CCDC40: variants seen among roughly 807,000 people sequenced by gnomAD.
CCDC40 encodes the protein coiled-coil domain-containing protein 40.
A neutral mutation model predicts 124.5 loss-of-function variants in CCDC40; 104 were observed. The observed-to-expected ratio is 0.84, with a 90% CI of 0.71 to 0.98. CCDC40 has a LOEUF of 0.98. Among genes scored for constraint, CCDC40 ranks in the 50% least tolerant of loss-of-function variants. CCDC40 has a pLI of 0.00. For synonymous variants in CCDC40, 580 were observed against 602.9 expected, an observed-to-expected ratio of 0.96 and a Z score of 0.56; for missense variants, 1,463 against 1,503.9, an observed-to-expected ratio of 0.97 and a Z score of 0.45.
At chr17:80,057,118 A>G (rs1440687547) in intron 7 of CCDC40, among the ~76,000 whole-genome samples, 1 of 151,494 alleles carries the variant, frequency 6.6e-6, no homozygotes, top group African/African-American at 2.4e-5. Flanking sequence ...ACTGCAAGCT[A>G]TATTAATGCA....
intron 10 of CCDC40, among the ~76,000 whole-genome samples, chr17:80,076,750 T>G (rs1044103977): frequency 1.3e-5 from 2 of 151,896 alleles, no homozygotes; most frequent in Non-Finnish European, 2.9e-5. Flanking sequence ...AAGTTTGTTT[T>G]TTTTTTCTTT....
chr17:80,099,242 G>C (rs199667412), intron 19 of CCDC40, among the ~76,000 whole-genome samples: 3 of 151,658 alleles, frequency 2.0e-5, no homozygotes, highest in Admixed American at 1.3e-4. Context: ...AGTGAGCCGA[G>C]ATCGCACCGC....
At position 80,090,231 on chromosome 17, in the gene CCDC40, G is replaced by A. The variant is rs1421198098; in HGVS notation, c.2832+347G>A. The A allele has an allele frequency of 2.1e-5, 19 of 892,428 alleles. 1 individual carries two copies. The highest frequency in any genetic ancestry group is 4.9e-4 in the Middle Eastern group (2 of 4,070). 55.3% of individuals were successfully genotyped at this position (892,428 alleles called of 1,614,324 possible). ...CGTGCACGAAGAACACGGGACGCGCGCAGGCACGTGCACGAACAACACGGG... is the reference window on the plus strand; with the variant it reads ...CGTGCACGAAGAACACGGGACGCGCACAGGCACGTGCACGAACAACACGGG... On this transcript the variant is annotated intron_variant, in intron 17 of 19. Transcript: ENST00000397545.
intron 3 of CCDC40, among the ~76,000 whole-genome samples, chr17:80,041,165 C>T (rs892673820): frequency 4.6e-5 from 7 of 152,140 alleles, no homozygotes; most frequent in African/African-American, 1.4e-4. Flanking sequence ...CCAAAGCCTT[C>T]GAACGCTTCT....
rs750674149 is a variant in CCDC40 at position 80,088,075 on chromosome 17, C to T, written c.2684C>T (p.Thr895Ile). 1.2e-6 allele frequency: 2 copies of T among 1,613,740 alleles called. No individual in the cohort carries two copies. Among genetic ancestry groups the T allele is most frequent in the Admixed American group, 3.3e-5 (2 of 60,002 alleles). ...AACCAGCTCAGCGAGGAGAAGGCGA[C>T]CCTCCTGAATCAACTGGTGGAAGCA... ...KLNQLSEEKA[T>I]LLNQLVEAEH... Residue 895 changes from threonine to isoleucine, a missense_variant, in exon 16 of 20, where the codon ACC becomes ATC. Transcript: ENST00000397545.
chr17:80,088,306 C>T, intron 16 of CCDC40: 1 of 614,690 alleles, frequency 1.6e-6, no homozygotes, highest in Admixed American at 2.3e-5. Context: ...GGCTGGAGTG[C>T]AGCCGTGCGA....
rs2038061433 is a variant in CCDC40 at position 80,066,945 on chromosome 17, G to A, written c.1562+1339G>A. 6.6e-6 allele frequency: 1 copy of A among 152,540 alleles called. No homozygotes were observed. The highest frequency in any genetic ancestry group is 2.4e-5 in the African/African-American group (1 of 41,432). 9.4% of individuals were successfully genotyped at this position (152,540 alleles called of 1,614,324 possible). A position where few individuals can be genotyped will look rare whatever the true frequency, so the allele number is the denominator to read the frequency against. On this transcript the variant is annotated intron_variant, in intron 10 of 19. Transcript: ENST00000397545. This position sits in a 1 kb window ranked among gnomAD's most constrained non-coding sequence, Gnocchi z 4.4. ...TCTCCCTGTGTCACCAGGGTTGCCT[G>A]AACACCAGGACGAGAGGACTTGGCC... is the stretch of plus-strand genomic sequence containing the variant.
At chr17:80,084,534 T>C (rs1030429093) in intron 12 of CCDC40, among the ~76,000 whole-genome samples, 1 of 152,162 alleles carries the variant, frequency 6.6e-6, no homozygotes, top group Non-Finnish European at 1.5e-5. Context: ...ATCTCTCTTT[T>C]CTGTAAAAAG....
intron 3 of CCDC40, chr17:80,040,536 AGGCGTGGTGGCGCAC>A (rs1408629573): frequency 2.1e-6 from 1 of 471,616 alleles, no homozygotes; most frequent in Non-Finnish European, 3.9e-6. Context: ...AAAATTAGGC[AGGCGTGGTGGCGCAC>A]GCCTGTAATC....
At chr17:80,069,661 GAAT>G (rs1050628879) in intron 10 of CCDC40, among the ~76,000 whole-genome samples, 6 of 152,194 alleles carry the variant, frequency 3.9e-5, no homozygotes, top group African/African-American at 1.4e-4. Flanking sequence ...TGAGGCAGGA[GAAT>G]CGCCTGAACC....
At chr17:80,088,356 A>T (rs572733906) in intron 16 of CCDC40, 1 of 517,936 alleles carries the variant, frequency 1.9e-6, no homozygotes, top group Non-Finnish European at 3.5e-6. Flanking sequence ...GCTTCAAGTG[A>T]TTTTCCTGCC....
chr17:80,097,020 C>A (rs2038822234), intron 18 of CCDC40, among the ~76,000 whole-genome samples: 5 of 152,226 alleles, frequency 3.3e-5, no homozygotes. Flanking sequence ...ACCACTCAGG[C>A]CCCCATCTCT....
At chr17:80,045,610 A>C (rs1401638316) in intron 3 of CCDC40, among the ~76,000 whole-genome samples, 1 of 152,102 alleles carries the variant, frequency 6.6e-6, no homozygotes, top group Non-Finnish European at 1.5e-5. Context: ...AGGCTGAGGC[A>C]AGAGAATCAC....
At chr17:80,056,226 C>T (rs1352497216) in intron 7 of CCDC40, among the ~76,000 whole-genome samples, 1 of 151,012 alleles carries the variant, frequency 6.6e-6, no homozygotes, top group Non-Finnish European at 1.5e-5. Context: ...GTATCTCTCT[C>T]TCTCTCTTTA....
Position 80,040,257 on chromosome 17 carries a change from C to G in CCDC40, c.539C>G (p.Ala180Gly). 2 of 1,613,394 alleles carry G rather than the reference C, an allele frequency of 1.2e-6. No individual in the cohort carries two copies. The highest frequency in any genetic ancestry group is 1.7e-6 in the Non-Finnish European group (2 of 1,179,888). ...EQMGQVTSGP[A>G]VGRLTGSTEE... is the part of the protein sequence containing the mutation. ...ATGGGCCAGGTCACCTCTGGGCCAGCAGTGGGCAGATTGGTGAGTAGCCCT... is the reference window on the plus strand; with the variant it reads ...ATGGGCCAGGTCACCTCTGGGCCAGGAGTGGGCAGATTGGTGAGTAGCCCT... The change falls in exon 3 of 20, where the codon GCA (alanine) becomes GGA (glycine). Residue 180 changes from alanine (A) to glycine (G), a missense_variant. By Grantham distance (60) the Ala-to-Gly change is moderately conservative. Coordinates refer to ENST00000397545, the MANE Select transcript of CCDC40 (RefSeq NM_017950.4).
intron 19 of CCDC40, among the ~76,000 whole-genome samples, chr17:80,098,411 C>T (rs2038849926): frequency 6.6e-6 from 1 of 152,186 alleles, no homozygotes; most frequent in Non-Finnish European, 1.5e-5. Context: ...AGCATGGATG[C>T]GGGGGGCACC....
At chr17:80,036,780 C>G in intron 1 of CCDC40, 89 bp downstream of exon 1, 1 of 1,279,560 alleles carries the variant, frequency 7.8e-7, no homozygotes. Flanking sequence ...TCGGCTCCTG[C>G]CTCGCCCCTT....
chr17:80,099,964 T>A lies in CCDC40; in HGVS notation c.*189T>A. On this transcript the variant is annotated 3_prime_UTR_variant, in exon 20 of 20. Transcript: ENST00000397545. ...CCACTCAGCAATTTAATAAACCAGG[T>A]AAAATCCTAGCGTTTCCCATGGCAT... 1.5e-6 allele frequency: 1 copy of A among 649,044 alleles called. No individual in the cohort carries two copies. Among genetic ancestry groups the A allele is most frequent in the Non-Finnish European group, 2.6e-6 (1 of 380,082 alleles). The allele number at this position is 649,044 out of a possible 1,614,324, so 40.2% of individuals were successfully genotyped here.
intron 12 of CCDC40, among the ~76,000 whole-genome samples, chr17:80,083,278 G>A (rs1487928151): frequency 6.6e-6 from 1 of 152,172 alleles, no homozygotes; most frequent in Non-Finnish European, 1.5e-5. Context: ...GGCAGAGGAG[G>A]AGGCTGCGAG....
Sources: allele counts gnomAD v4.1 joint callset (sites outside exome capture counted in the v4.1 genomes callset), GRCh38; gene constraint gnomAD v4.1.1; non-coding constraint Gnocchi (gnomAD v3.1); transcripts MANE v1.5; gene names NCBI Gene and HGNC (gene_info 2026-07-23, HGNC 2026-07-21).